Variants in NTRK2 observed in about 807,000 individuals in gnomAD.
NTRK2 encodes BDNF/NT-3 growth factors receptor.
A neutral mutation model predicts 94.5 loss-of-function variants in NTRK2; 13 were observed. The ratio of observed to expected loss-of-function variants is 0.14; its 90% CI spans 0.09 to 0.22. The LOEUF (loss-of-function observed/expected upper bound fraction) is 0.22, where lower values mean the gene tolerates loss of function less well. Ranked by LOEUF, NTRK2 falls within the 10% of genes least tolerant of loss-of-function variation. The probability of loss-of-function intolerance (pLI) is 1.00; values close to 1 mark genes in which losing one functional copy is unlikely to be tolerated. For missense variants in NTRK2, 639 were observed against 1,071.2 expected (o/e 0.60, Z 5.63); for synonymous variants, 372 against 407.4 (o/e 0.91, Z 1.05).
chr9:84,692,028 T>C (rs1333106705), intron 2 of NTRK2, among the ~76,000 whole-genome samples: 1 of 152,228 alleles, frequency 6.6e-6, no homozygotes, highest in African/African-American at 2.4e-5. Flanking sequence ...CGTCAACTTT[T>C]AAGCCATTTC....
At chr9:84,929,428 T>C (rs529436820) in intron 14 of NTRK2, among the ~76,000 whole-genome samples, 8 of 152,338 alleles carry the variant, frequency 5.3e-5, no homozygotes, top group East Asian at 1.9e-4. Context: ...ATAGCTCTTA[T>C]TTGATTCCTC....
intron 12 of NTRK2, among the ~76,000 whole-genome samples, chr9:84,855,162 A>C (rs549753538): frequency 2.2e-4 from 33 of 152,210 alleles, no homozygotes; most frequent in African/African-American, 7.9e-4. Flanking sequence ...AAACCGTTGG[A>C]GGATGTTAAG....
intron 4 of NTRK2, among the ~76,000 whole-genome samples, 195 bp downstream of exon 4, chr9:84,702,614 G>T (rs562041790): frequency 3.3e-5 from 5 of 152,300 alleles, no homozygotes; most frequent in Non-Finnish European, 1.5e-5. Flanking sequence ...AGAACAGGCT[G>T]TTTATTCCCT....
chr9:84,804,335 C>T (rs553036234), intron 12 of NTRK2, among the ~76,000 whole-genome samples: 2 of 152,262 alleles, frequency 1.3e-5, no homozygotes, highest in South Asian at 4.1e-4. Context: ...TTCATCTCCC[C>T]CACAATCATT....
At chr9:84,924,239 GAAAGAAAGAAAGA>G (rs1282889243) in intron 14 of NTRK2, among the ~76,000 whole-genome samples, 1 of 113,894 alleles carries the variant, frequency 8.8e-6, no homozygotes, top group African/African-American at 3.6e-5. Context: ...TAGAAAGAAA[GAAAGAAAGAAAGA>G]AAGAAAGAAA....
intron 12 of NTRK2, among the ~76,000 whole-genome samples, chr9:84,786,794 T>C (rs1484907384): frequency 6.6e-6 from 1 of 152,178 alleles, no homozygotes; most frequent in African/African-American, 2.4e-5. Flanking sequence ...TGAGAAACTG[T>C]GGACATGTAA....
intron 12 of NTRK2, among the ~76,000 whole-genome samples, chr9:84,803,384 C>T (rs1017885373): frequency 6.6e-6 from 1 of 152,194 alleles, no homozygotes; most frequent in African/African-American, 2.4e-5. Context: ...CTGTGGCCAC[C>T]CTCCCCATCA....
At chr9:84,802,702 T>C (rs1332082583) in intron 12 of NTRK2, among the ~76,000 whole-genome samples, 1 of 152,222 alleles carries the variant, frequency 6.6e-6, no homozygotes, top group African/African-American at 2.4e-5. Flanking sequence ...GCTTTGCACT[T>C]TTCAAGTTTC....
At chr9:84,962,374 G>T (rs546148149) in intron 17 of NTRK2, among the ~76,000 whole-genome samples, 16 of 152,172 alleles carry the variant, frequency 1.1e-4, no homozygotes, top group African/African-American at 3.9e-4. Flanking sequence ...TTTTAACAAA[G>T]GCTATAGAAA....
At chr9:84,778,961 A>G (rs7041974) in intron 12 of NTRK2, among the ~76,000 whole-genome samples, 117,750 of 152,154 alleles carry the variant, frequency 0.77, 45,732 homozygotes, top group East Asian at 0.89. Flanking sequence ...CCCTTTTCAT[A>G]GCCTTAACAG....
In NTRK2 at chr9:85,020,194, C is replaced by G. The variant is rs765177349; in HGVS notation, c.2173-12C>G. ...GTGACTGATGCCTCCCTGTTGATCC[C>G]TTTCTCCCCAGGTCGGTGGCCACAC... On this transcript the variant is annotated splice_polypyrimidine_tract_variant and intron_variant, in intron 17 of 18. Coordinates refer to ENST00000277120, the MANE Select transcript of NTRK2 (RefSeq NM_006180.6). 6.2e-7 allele frequency: 1 copy of G among 1,613,912 alleles called. No individual in the cohort carries two copies. The highest frequency in any genetic ancestry group is 1.3e-5 in the African/African-American group (1 of 74,916).
At position 84,724,355 on chromosome 9, in the gene NTRK2, T is replaced by C; in HGVS notation, c.852T>C (p.His284=). Residue 284 remains histidine (H), a splice_region_variant and synonymous_variant, in exon 8 of 19, where the codon CAT becomes CAC. Coordinates refer to ENST00000277120, the MANE Select transcript of NTRK2 (RefSeq NM_006180.6). ...AAGATTCTGTCAACCTCACTGTGCA[T>C]TGTACGTAATCAGACTGGCATGTGT... ...EDQDSVNLTV[H]FAPTITFLES... is the part of the protein sequence containing the mutation. 6.2e-7 allele frequency: 1 copy of C among 1,614,186 alleles called. No homozygotes were observed. The highest frequency in any genetic ancestry group is 8.5e-7 in the Non-Finnish European group (1 of 1,180,002).
chr9:84,734,105 T>G (rs1224804599), intron 9 of NTRK2, among the ~76,000 whole-genome samples: 1 of 152,038 alleles, frequency 6.6e-6, no homozygotes, highest in African/African-American at 2.4e-5. Flanking sequence ...CACCTTGGAG[T>G]GTGAAGCGTG....
intron 15 of NTRK2, among the ~76,000 whole-genome samples, chr9:84,936,528 A>G (rs1458365344): frequency 6.6e-6 from 1 of 152,140 alleles, no homozygotes; most frequent in Non-Finnish European, 1.5e-5. Context: ...TCTCTAGTTT[A>G]TATCCCAATC....
chr9:84,925,682 G>A (rs930247897), intron 14 of NTRK2, among the ~76,000 whole-genome samples: 4 of 152,116 alleles, frequency 2.6e-5, no homozygotes, highest in African/African-American at 4.8e-5. Context: ...GCAAAAGGCC[G>A]GAGAGGAAAG....
At chr9:84,900,346 A>T (rs2076889808) in intron 14 of NTRK2, among the ~76,000 whole-genome samples, 2 of 152,030 alleles carry the variant, frequency 1.3e-5, no homozygotes, top group African/African-American at 4.8e-5. Context: ...CTGCTCATTG[A>T]CTCTGTTTCT....
intron 17 of NTRK2, among the ~76,000 whole-genome samples, chr9:84,980,512 C>G (rs570331391): frequency 6.6e-6 from 1 of 152,178 alleles, no homozygotes; most frequent in South Asian, 2.1e-4. Flanking sequence ...CTACTAATCC[C>G]CAGTGTCTCT....
At chr9:84,830,951 A>T (rs76568714) in intron 12 of NTRK2, among the ~76,000 whole-genome samples, 1 of 152,180 alleles carries the variant, frequency 6.6e-6, no homozygotes, top group Non-Finnish European at 1.5e-5. Flanking sequence ...TTGTATATAA[A>T]TATTTTTATT....
At chr9:84,742,482 CG>C (rs1249167245) in intron 10 of NTRK2, among the ~76,000 whole-genome samples, 1 of 152,102 alleles carries the variant, frequency 6.6e-6, no homozygotes, top group Non-Finnish European at 1.5e-5. Flanking sequence ...GAGAATGTGG[CG>C]GGGGAGCTGC....
Sources: allele counts gnomAD v4.1 joint callset (sites outside exome capture counted in the v4.1 genomes callset), GRCh38; gene constraint gnomAD v4.1.1; transcripts MANE v1.5; gene names NCBI Gene and HGNC (gene_info 2026-07-23, HGNC 2026-07-21).